The following RAD51B variants were observed in gnomAD, a reference collection of about 807,000 sequenced individuals.
The protein encoded by RAD51B is RAD51 paralog B.
In RAD51B, 38 loss-of-function variants were observed where a neutral mutation model predicts 42.2. The observed-to-expected ratio is 0.90, with a 90% CI of 0.70 to 1.18. The LOEUF (loss-of-function observed/expected upper bound fraction) is 1.18. RAD51B is among the 50% of genes most tolerant of loss of function. RAD51B has a pLI of 0.00. For missense variants in RAD51B, 373 were observed against 400.7 expected, an observed-to-expected ratio of 0.93 and a Z score of 0.59; for synonymous variants, 154 against 145.2, an observed-to-expected ratio of 1.06 and a Z score of -0.43.
intron 7 of RAD51B, among the ~76,000 whole-genome samples, chr14:68,239,320 T>G (rs2080334239): frequency 6.6e-6 from 1 of 152,164 alleles, no homozygotes; most frequent in South Asian, 2.1e-4. Flanking sequence ...TTGATGGTAT[T>G]GAGTTTACCA....
chr14:68,570,897 ATG>A (rs1345492742), intron 10 of RAD51B, among the ~76,000 whole-genome samples: 1,793 of 96,778 alleles, frequency 0.019, 13 homozygotes, highest in Non-Finnish European at 0.03. Context: ...ACACACACAC[ATG>A]CACACACACA....
chr14:68,385,733 T>C, intron 8 of RAD51B, among the ~76,000 whole-genome samples: 1 of 152,228 alleles, frequency 6.6e-6, no homozygotes, highest in East Asian at 1.9e-4. Context: ...GTATTCTATG[T>C]GTGAAAGGGT....
chr14:68,385,170 G>A (rs942427072), intron 8 of RAD51B, among the ~76,000 whole-genome samples: 2 of 152,128 alleles, frequency 1.3e-5, no homozygotes, highest in African/African-American at 4.8e-5. Flanking sequence ...AGACTGCTCA[G>A]CTCGACCCTC....
intron 8 of RAD51B, among the ~76,000 whole-genome samples, chr14:68,352,078 T>C (rs1199134421): frequency 1.3e-5 from 2 of 152,136 alleles, no homozygotes; most frequent in Non-Finnish European, 2.9e-5. Context: ...CAGGAAGATA[T>C]AGGTGTACTG....
chr14:68,494,821 G>T (rs1006573365), intron 10 of RAD51B, among the ~76,000 whole-genome samples: 1 of 151,958 alleles, frequency 6.6e-6, no homozygotes. Context: ...CTAGATGTAG[G>T]TTCCCAAGCC....
At chr14:68,337,921 G>A (rs1382944816) in intron 8 of RAD51B, among the ~76,000 whole-genome samples, 1 of 151,962 alleles carries the variant, frequency 6.6e-6, no homozygotes, top group Non-Finnish European at 1.5e-5. Flanking sequence ...ACAGGCCTGT[G>A]CCACCACACT....
chr14:68,413,851 G>A (rs372536129), intron 9 of RAD51B, among the ~76,000 whole-genome samples: 15 of 152,166 alleles, frequency 9.9e-5, no homozygotes, highest in Non-Finnish European at 1.5e-4. Flanking sequence ...GTAGCAGAAC[G>A]TGCCTAGATA....
chr14:68,312,196 T>G (rs12892777), intron 8 of RAD51B, among the ~76,000 whole-genome samples: 82,377 of 151,940 alleles, frequency 0.54, 23,613 homozygotes, highest in South Asian at 0.66. Context: ...AAGCTGTTTC[T>G]GATTGTGAAG....
At chr14:68,005,284 C>T (rs2075568237) in intron 7 of RAD51B, among the ~76,000 whole-genome samples, 2 of 151,978 alleles carry the variant, frequency 1.3e-5, no homozygotes, top group Non-Finnish European at 2.9e-5. Flanking sequence ...GAACTCCTGA[C>T]TTCATGATCT....
chr14:68,585,266 G>A (rs1221390254), intron 10 of RAD51B, among the ~76,000 whole-genome samples: 2 of 152,220 alleles, frequency 1.3e-5, no homozygotes, highest in African/African-American at 4.8e-5. Flanking sequence ...TCCCCATGGG[G>A]AATTTCAGGA....
rs942793751 is a variant in RAD51B at position 68,272,204 on chromosome 14, G to A, written c.757-19680G>A. 2.2e-4 allele frequency among the ~76,000 whole-genome samples: 33 copies of A among 152,186 alleles called. 1 individual carries two copies. Among genetic ancestry groups the A allele is most frequent in the African/African-American group, 7.7e-4 (32 of 41,444 alleles). ...GCTAATGGAATTGGCTGTAGTGGCT[G>A]TACTTAGGGGAGATTATAATGTCTC... On this transcript the variant is annotated intron_variant, in intron 7 of 10. Transcript: ENST00000471583.
intron 5 of RAD51B, among the ~76,000 whole-genome samples, chr14:67,872,192 T>A (rs1187445251): frequency 6.7e-6 from 1 of 148,690 alleles, no homozygotes; most frequent in African/African-American, 2.5e-5. Context: ...GAAAACCCCA[T>A]TGTCTCAGCC....
intron 7 of RAD51B, among the ~76,000 whole-genome samples, chr14:67,895,253 T>C (rs978475653): frequency 6.6e-6 from 1 of 152,238 alleles, no homozygotes; most frequent in African/African-American, 2.4e-5. Context: ...TACCTTGATT[T>C]GTTGTAGAAT....
chr14:68,527,104 A>G (rs1035027103), intron 10 of RAD51B, among the ~76,000 whole-genome samples: 3 of 152,274 alleles, frequency 2.0e-5, no homozygotes, highest in Admixed American at 1.3e-4. Flanking sequence ...AGTTTCAATT[A>G]TAAAGCCCAA....
intron 7 of RAD51B, among the ~76,000 whole-genome samples, chr14:68,159,826 A>T (rs1280537191): frequency 6.6e-6 from 1 of 152,134 alleles, no homozygotes; most frequent in Non-Finnish European, 1.5e-5. Flanking sequence ...TGTCAATTTT[A>T]GATTTTCATT....
intron 8 of RAD51B, among the ~76,000 whole-genome samples, chr14:68,408,123 T>G (rs1166597091): frequency 6.6e-6 from 1 of 152,078 alleles, no homozygotes; most frequent in Non-Finnish European, 1.5e-5. Context: ...CTAATGTGGG[T>G]CTAAGGTTGA....
intron 11 of RAD51B, among the ~76,000 whole-genome samples, chr14:68,651,180 A>G (rs759840658): frequency 6.6e-6 from 1 of 152,092 alleles, no homozygotes; most frequent in Non-Finnish European, 1.5e-5. Context: ...TGTTTATTTT[A>G]TTTTATTTTG....
intron 1 of RAD51B, among the ~76,000 whole-genome samples, chr14:67,820,169 C>T (rs898997830): frequency 1.3e-5 from 2 of 152,130 alleles, no homozygotes; most frequent in African/African-American, 2.4e-5. Flanking sequence ...CTTCGGGCAG[C>T]CTGTCATTAG....
At chr14:68,458,800 T>G (rs1301583664) in intron 9 of RAD51B, among the ~76,000 whole-genome samples, 8 of 152,248 alleles carry the variant, frequency 5.3e-5, no homozygotes, top group South Asian at 4.1e-4. Flanking sequence ...TGTAGACAAA[T>G]TAATAAATTC....
Sources: gnomAD v4.1 joint callset for allele counts (sites outside exome capture counted in the v4.1 genomes callset) on GRCh38, gnomAD v4.1.1 for gene constraint, MANE v1.5 for transcripts, NCBI Gene and HGNC (gene_info 2026-07-23, HGNC 2026-07-21) for gene names.